Variants in HMCN1 observed in about 807,000 individuals in gnomAD.
HMCN1 encodes hemicentin 1.
HMCN1 carries 321 observed loss-of-function variants against 625.9 expected under a neutral mutation model. The observed-to-expected ratio is 0.51, with a 90% CI of 0.47 to 0.56. The LOEUF (loss-of-function observed/expected upper bound fraction) is 0.56. HMCN1 is among the 20% of genes least tolerant of loss of function. HMCN1 has a pLI of 0.00. For missense variants in HMCN1, 6,588 were observed against 6,887.3 expected (o/e 0.96, Z 1.54); for synonymous variants, 2,425 against 2,417.6 (o/e 1.00, Z -0.09).
intron 20 of HMCN1, among the ~76,000 whole-genome samples, chr1:185,987,785 C>T (rs1652101299): frequency 1.3e-5 from 2 of 151,880 alleles, no homozygotes; most frequent in African/African-American, 4.8e-5. Context: ...ATATTTCCTC[C>T]ACTCCCCAGA....
rs182508613 is a variant in HMCN1 at position 186,188,929 on chromosome 1, C to A, written c.16542-583C>A. Among the ~76,000 whole-genome samples, 214 of 152,182 alleles carry A rather than the reference C, an allele frequency of 1.4e-3. 1 individual carries two copies. Among genetic ancestry groups the A allele is most frequent in the Non-Finnish European group, 2.3e-3 (153 of 67,996 alleles). ...TTTATTACCATCGGTTTCTGGCAAA[C>A]AATTTAAAAGTCATCATGACTCAAA... On this transcript the variant is annotated intron_variant, in intron 106 of 106. Transcript: ENST00000271588.
intron 2 of HMCN1, among the ~76,000 whole-genome samples, chr1:185,855,716 CA>C (rs1310489157): frequency 6.6e-6 from 1 of 152,162 alleles, no homozygotes; most frequent in Non-Finnish European, 1.5e-5. Context: ...GTTGAAAGAT[CA>C]GTTGCCGATG....
chr1:186,150,551 AC>A (rs753322528), intron 93 of HMCN1, among the ~76,000 whole-genome samples: 151 of 152,278 alleles, frequency 9.9e-4, no homozygotes, highest in Admixed American at 1.9e-3. Flanking sequence ...AACTTGATAA[AC>A]CCTCACTCTA....
chr1:186,031,536 T>C (rs1404427097), intron 36 of HMCN1, among the ~76,000 whole-genome samples: 2 of 152,094 alleles, frequency 1.3e-5, no homozygotes, highest in African/African-American at 4.8e-5. Context: ...ACTTCTTAGA[T>C]ATATAGATTG....
intron 28 of HMCN1, 85 bp from the exon 29 acceptor site, chr1:186,003,633 A>G (rs1653339345): frequency 4.7e-6 from 6 of 1,267,052 alleles, no homozygotes; most frequent in East Asian, 2.3e-5. Flanking sequence ...TTGAAATACT[A>G]TAGAAATCAT....
intron 22 of HMCN1, among the ~76,000 whole-genome samples, chr1:185,991,365 A>G (rs959638506): frequency 9.2e-5 from 14 of 152,204 alleles, no homozygotes; most frequent in Non-Finnish European, 1.9e-4. Context: ...AAATTACAGT[A>G]ATACAGATCA....
At position 186,052,997 on chromosome 1, in the gene HMCN1, T is replaced by A. The variant is rs1315759624; in HGVS notation, c.6623T>A (p.Val2208Asp). The change falls in exon 43 of 107, where the codon GTC becomes GAC. Residue 2208 changes from valine (V) to aspartate (D), a missense_variant. Physicochemically the swap from Val to Asp is radical, Grantham distance 152. Around this residue, in one of 3 missense-constraint regions of HMCN1, gnomAD observed 4,628 missense variants for 4,853.1 expected, o/e 0.95. Coordinates refer to ENST00000271588, the MANE Select transcript of HMCN1 (RefSeq NM_031935.3). ...GGSDELTQLT[V>D]IEGNLISLLC... ...TCTGATGAACTTACTCAACTTACAG[T>A]CATTGAAGGGAATCTCATTAGTCTG... 1 of 1,606,978 alleles carries A rather than the reference T, an allele frequency of 6.2e-7. No individual in the cohort carries two copies.
rs1667394316 is a variant in HMCN1, at chr1:185,928,644, C to A, written c.1529C>A (p.Ala510Glu). The A allele has an allele frequency of 1.2e-6, 2 of 1,613,398 alleles. No homozygotes were observed. Among genetic ancestry groups the A allele is most frequent in the African/African-American group, 2.7e-5 (2 of 74,902 alleles). The change falls in exon 10 of 107, where the codon GCA becomes GAA. Residue 510 changes from alanine (A) to glutamate (E), a missense_variant. This residue lies in a region of HMCN1 where 4,628 missense variants were observed against 4,853.1 expected (regional missense o/e 0.95). Coordinates refer to ENST00000271588, the MANE Select transcript of HMCN1 (RefSeq NM_031935.3). ...IAVSSAGTGRAQTFFDVSEPP... is the reference protein window; with the variant it reads ...IAVSSAGTGREQTFFDVSEPP... ...GTCAGCAGTGCAGGTACTGGACGGG[C>A]ACAGACATTTTTTGACGTATCAGGT... is the stretch of plus-strand genomic sequence containing the variant.
At chr1:186,137,119 T>C (rs1649654472) in intron 87 of HMCN1, among the ~76,000 whole-genome samples, 182 bp downstream of exon 87, 1 of 152,220 alleles carries the variant, frequency 6.6e-6, no homozygotes, top group Admixed American at 6.5e-5. Flanking sequence ...ATTAGAGCTT[T>C]AAAATGCCAA....
At chr1:185,897,064 A>G (rs1665532438) in intron 4 of HMCN1, among the ~76,000 whole-genome samples, 1 of 152,186 alleles carries the variant, frequency 6.6e-6, no homozygotes, top group Admixed American at 6.5e-5. Context: ...TTCTCAAGCT[A>G]GGAAGCTGAG....
At chr1:185,862,582 C>A (rs1219222238) in intron 2 of HMCN1, among the ~76,000 whole-genome samples, 1 of 152,004 alleles carries the variant, frequency 6.6e-6, no homozygotes, top group African/African-American at 2.4e-5. Context: ...AGAGGTCTAA[C>A]AAGAAATTGA....
chr1:185,898,654 G>A (rs911343596), intron 4 of HMCN1, among the ~76,000 whole-genome samples: 41 of 152,184 alleles, frequency 2.7e-4, no homozygotes, highest in African/African-American at 8.9e-4. Context: ...AGCTCAGGAA[G>A]GAACCCAGAA....
At chr1:186,074,720 A>G in intron 52 of HMCN1, 21 bp from the exon 53 acceptor site, 2 of 1,610,768 alleles carry the variant, frequency 1.2e-6, no homozygotes, top group Non-Finnish European at 1.7e-6. Flanking sequence ...TAATGCTAAC[A>G]TTGTTATAAT....
intron 1 of HMCN1, among the ~76,000 whole-genome samples, chr1:185,815,472 T>A (rs1196699054): frequency 6.7e-6 from 1 of 150,282 alleles, no homozygotes; most frequent in African/African-American, 2.5e-5. Flanking sequence ...CCTATAAATG[T>A]ACTTAAACAT....
Position 185,859,136 on chromosome 1 carries a change from G to A in HMCN1, c.340-5334G>A, listed in dbSNP as rs988192241. 2.1e-3 allele frequency among the ~76,000 whole-genome samples: 315 copies of A among 146,720 alleles called. 1 individual carries two copies. Among genetic ancestry groups the A allele is most frequent in the African/African-American group, 7.8e-3 (303 of 39,046 alleles). On this transcript the variant is annotated intron_variant, in intron 2 of 106. Coordinates refer to ENST00000271588, the MANE Select transcript of HMCN1 (RefSeq NM_031935.3). ...ATCCTTGTTTATAAACTTTGTGTGT[G>A]TGTGTGTGTGTGTGTGTGTGTGTGT...
chr1:185,965,082 A>T (rs1650308900), intron 13 of HMCN1, among the ~76,000 whole-genome samples: 1 of 152,166 alleles, frequency 6.6e-6, no homozygotes, highest in Non-Finnish European at 1.5e-5. Flanking sequence ...TTTGTTTAAA[A>T]ATACCTCAGC....
chr1:186,081,183 C>T lies in HMCN1; in HGVS notation c.8600-24C>T, dbSNP rs757315485. 3.1e-6 allele frequency: 5 copies of T among 1,597,988 alleles called. No homozygotes were observed. In the South Asian group the frequency reaches 5.5e-5, roughly 18 times the overall value. Reference sequence around the variant, plus strand: ...AGAAAAGACTGTTGCCCATTTTTCTCCCTTTGTTGCAATCCTTTGTTAGTG... The same window carrying T: ...AGAAAAGACTGTTGCCCATTTTTCTTCCTTTGTTGCAATCCTTTGTTAGTG... On this transcript the variant is annotated intron_variant, in intron 55 of 106. Transcript: ENST00000271588.
intron 95 of HMCN1, among the ~76,000 whole-genome samples, chr1:186,152,026 A>G (rs1650703642): frequency 6.6e-6 from 1 of 152,220 alleles, no homozygotes; most frequent in Non-Finnish European, 1.5e-5. Context: ...AGAGGATATT[A>G]AAGACCAAAC....
chr1:186,125,626 A>G lies in HMCN1; in HGVS notation c.12522A>G (p.Thr4174=). The stretch of plus-strand genomic sequence containing the variant: ...TAGTACCACCCAGGATCAGAAGTAC[A>G]GAAGGACACTACACGGTCAATGAGA... ...TVHVPPRIRS[T]EGHYTVNENS... is the part of the protein sequence containing the mutation. The change falls in exon 82 of 107, where the codon ACA becomes ACG. Residue 4174 remains threonine, a synonymous_variant. Coordinates refer to ENST00000271588, the MANE Select transcript of HMCN1 (RefSeq NM_031935.3). 2 of 1,613,300 alleles carry G rather than the reference A, an allele frequency of 1.2e-6. No individual in the cohort carries two copies. The highest frequency in any genetic ancestry group is 1.7e-6 in the Non-Finnish European group (2 of 1,179,342).
Sources: gnomAD v4.1 joint callset for allele counts (sites outside exome capture counted in the v4.1 genomes callset) on GRCh38, gnomAD v4.1.1 for gene constraint, gnomAD v4.1.1 regional missense constraint, MANE v1.5 for transcripts, NCBI Gene and HGNC (gene_info 2026-07-23, HGNC 2026-07-21) for gene names.